FRMD8: variants seen among roughly 807,000 people sequenced by gnomAD.
The protein encoded by FRMD8 is FERM domain containing 8.
Under a neutral mutation model 54.2 loss-of-function variants are expected in FRMD8, and 37 were observed. The ratio of observed to expected loss-of-function variants is 0.68; its 90% CI spans 0.53 to 0.90. FRMD8 has a LOEUF of 0.90. Ranked by LOEUF, FRMD8 falls within the 40% of genes least tolerant of loss-of-function variation. The probability of loss-of-function intolerance (pLI) is 0.00; values close to 1 mark genes in which losing one functional copy is unlikely to be tolerated. For missense variants in FRMD8, 585 were observed against 653.7 expected, an observed-to-expected ratio of 0.89 and a Z score of 1.15; for synonymous variants, 246 against 286.9, an observed-to-expected ratio of 0.86 and a Z score of 1.44.
the FRMD8 span, among the ~76,000 whole-genome samples, chr11:65,374,366 C>CCATGTGCCCAGGTGGAGCAGGG: frequency 1.3e-5 from 2 of 152,232 alleles, no homozygotes; most frequent in Middle Eastern, 3.4e-3. Flanking sequence ...AGCTAAGTAA[C>CCATGTGCCCAGGTGGAGCAGGG]TGGACACTGC....
intron 3 of FRMD8, among the ~76,000 whole-genome samples, chr11:65,392,542 G>T (rs558468367): frequency 5.9e-5 from 9 of 152,328 alleles, no homozygotes; most frequent in African/African-American, 1.7e-4. Context: ...GTGGGTGCTG[G>T]TGTGTGAGCT....
rs533356774 is a variant in FRMD8, at chr11:65,404,435, C to T, written c.1072-429C>T. Among the ~76,000 whole-genome samples the T allele has an allele frequency of 9.5e-4, 145 of 152,136 alleles. No homozygotes were observed. Among genetic ancestry groups the T allele is most frequent in the Non-Finnish European group, 1.7e-3 (113 of 67,968 alleles). On this transcript the variant is annotated intron_variant, in intron 9 of 10. Transcript: ENST00000317568. This position sits in a 1 kb window ranked among gnomAD's most constrained non-coding sequence, Gnocchi z 4.7. ...TTTGAAGAACGTGCTGGCAGGGAGC[C>T]GCCCGCCCCTGCCCTGGTGACATCG... is the stretch of plus-strand genomic sequence containing the variant.
intron 6 of FRMD8, among the ~76,000 whole-genome samples, chr11:65,396,307 TC>T (rs1855952837): frequency 6.6e-6 from 1 of 152,144 alleles, no homozygotes; most frequent in South Asian, 2.1e-4. Context: ...GGGTTCCTGT[TC>T]CTGGATGGAG....
chr11:65,396,322 C>T (rs1242451191), intron 6 of FRMD8, among the ~76,000 whole-genome samples: 1 of 152,182 alleles, frequency 6.6e-6, no homozygotes, highest in Non-Finnish European at 1.5e-5. Context: ...GATGGAGATG[C>T]AGGCATCTGG....
At chr11:65,370,353 G>A in the FRMD8 span, among the ~76,000 whole-genome samples, 5 of 151,610 alleles carry the variant, frequency 3.3e-5, no homozygotes, top group African/African-American at 4.8e-5. Context: ...TTCTGCAGAG[G>A]ACTGGGAAGC....
upstream of FRMD8, among the ~76,000 whole-genome samples, chr11:65,385,592 CAT>C (rs1304021536): frequency 6.6e-6 from 1 of 152,158 alleles, no homozygotes; most frequent in Non-Finnish European, 1.5e-5. Context: ...CAGATGCACA[CAT>C]GTTGCATTAC....
At chr11:65,378,437 G>T in the FRMD8 span, 22 of 152,326 alleles carry the variant, frequency 1.4e-4, 1 homozygote, top group Admixed American at 1.4e-3. Context: ...AAAGAGCTGG[G>T]GGGGCAGGGT....
chr11:65,377,029 G>C, the FRMD8 span: 3 of 1,613,930 alleles, frequency 1.9e-6, no homozygotes, highest in Non-Finnish European at 2.5e-6. Flanking sequence ...GCTCTGTCTG[G>C]TTTTGTAGCC....
At chr11:65,368,407 C>A in the FRMD8 span, among the ~76,000 whole-genome samples, 1 of 151,760 alleles carries the variant, frequency 6.6e-6, no homozygotes, top group Admixed American at 6.6e-5. Context: ...ACGGGGGTCT[C>A]GCTATGTTTT....
chr11:65,376,238 C>T, the FRMD8 span: 116 of 813,328 alleles, frequency 1.4e-4, no homozygotes, highest in African/African-American at 1.7e-3. Flanking sequence ...CCCTGGCTTC[C>T]GGCTCCCACA....
the FRMD8 span, chr11:65,381,534 C>T: frequency 8.7e-6 from 2 of 230,944 alleles, no homozygotes; most frequent in Non-Finnish European, 1.7e-5. Flanking sequence ...GCTGGGATTA[C>T]AGGTGTGAGC....
At chr11:65,397,475 G>A (rs925595046) in intron 7 of FRMD8, among the ~76,000 whole-genome samples, 1 of 152,226 alleles carries the variant, frequency 6.6e-6, no homozygotes, top group Non-Finnish European at 1.5e-5. Context: ...GGGCACAGGC[G>A]GCAGCCAGGA....
intron 4 of FRMD8, 146 bp from the exon 5 acceptor site, chr11:65,393,895 T>G: frequency 1.1e-6 from 1 of 870,116 alleles, no homozygotes; most frequent in Admixed American, 2.3e-5. Context: ...CACGTTGGGA[T>G]GAGCTGCACA....
At chr11:65,389,007 C>T (rs148174945) in intron 2 of FRMD8, among the ~76,000 whole-genome samples, 185 of 152,284 alleles carry the variant, frequency 1.2e-3, no homozygotes, top group Middle Eastern at 6.8e-3. Flanking sequence ...GGCAGAAGAA[C>T]AGTTGAATCC....
the FRMD8 span, chr11:65,377,498 GGT>G: frequency 3.6e-6 from 3 of 829,270 alleles, no homozygotes; most frequent in African/African-American, 1.9e-5. Context: ...CCTTTCCCAG[GGT>G]GAAGGAGGTC....
chr11:65,401,824 C>CTT (rs61275056), intron 9 of FRMD8, among the ~76,000 whole-genome samples: 58 of 119,710 alleles, frequency 4.8e-4, no homozygotes, highest in East Asian at 1.4e-3. Context: ...TCACAATTTT[C>CTT]TTTTTTTTTT....
upstream of FRMD8, among the ~76,000 whole-genome samples, chr11:65,384,788 CTG>C (rs1855704691): frequency 6.6e-6 from 1 of 152,208 alleles, no homozygotes; most frequent in Non-Finnish European, 1.5e-5. Context: ...TCAGAGCTCA[CTG>C]TGAGCTCACA....
intron 6 of FRMD8, among the ~76,000 whole-genome samples, chr11:65,396,297 G>A (rs972313427): frequency 6.6e-6 from 1 of 152,184 alleles, no homozygotes; most frequent in Non-Finnish European, 1.5e-5. Context: ...GGTGGGGCCC[G>A]GGTTCCTGTT....
Position 65,400,529 on chromosome 11 carries a change from A to G in FRMD8, c.928-195A>G, listed in dbSNP as rs1295065949. On this transcript the variant is annotated intron_variant, in intron 8 of 10. Transcript: ENST00000317568. This position sits in a 1 kb window ranked among gnomAD's most constrained non-coding sequence, Gnocchi z 4.3. ...TGGTGGGACTGTTGTGGGAGAGGGG[A>G]TCTCAGCTTCCCTGGACCACAGCCC... 6.6e-6 allele frequency among the ~76,000 whole-genome samples: 1 copy of G among 152,072 alleles called. No individual in the cohort carries two copies. The highest frequency in any genetic ancestry group is 1.5e-5 in the Non-Finnish European group (1 of 67,988).
Sources: allele counts gnomAD v4.1 joint callset (sites outside exome capture counted in the v4.1 genomes callset), GRCh38; gene constraint gnomAD v4.1.1; non-coding constraint Gnocchi (gnomAD v3.1); transcripts MANE v1.5; gene names NCBI Gene and HGNC (gene_info 2026-07-23, HGNC 2026-07-21).